The following CHRM2 variants were observed in gnomAD, a reference collection of about 807,000 sequenced individuals.
The protein encoded by CHRM2 is muscarinic acetylcholine receptor M2.
Under a neutral mutation model 25.0 loss-of-function variants are expected in CHRM2, and 8 were observed. The ratio of observed to expected loss-of-function variants is 0.32; its 90% CI spans 0.19 to 0.58. CHRM2 has a LOEUF of 0.58. Among genes scored for constraint, CHRM2 ranks in the 20% least tolerant of loss-of-function variants. CHRM2 has a pLI of 0.88. For missense variants in CHRM2, 440 were observed against 567.1 expected, an observed-to-expected ratio of 0.78 and a Z score of 2.28; for synonymous variants, 202 against 205.7, an observed-to-expected ratio of 0.98 and a Z score of 0.15.
chr7:136,974,095 A>T (rs1371981010), intron 2 of CHRM2, among the ~76,000 whole-genome samples: 1 of 152,174 alleles, frequency 6.6e-6, no homozygotes, highest in Admixed American at 6.5e-5. Context: ...TAAATAAAAT[A>T]AATAAAATTA....
chr7:136,876,338 G>A (rs1432611116), intron 2 of CHRM2, among the ~76,000 whole-genome samples: 2 of 152,086 alleles, frequency 1.3e-5, no homozygotes, highest in Non-Finnish European at 2.9e-5. Flanking sequence ...CAGATGACGT[G>A]AGAATAGAGG....
chr7:136,938,459 C>T, intron 2 of CHRM2: 1 of 1,184,032 alleles, frequency 8.4e-7, no homozygotes, highest in Non-Finnish European at 1.3e-6. Flanking sequence ...TGCTCCTTCC[C>T]CTGGATGCGC....
At chr7:136,975,132 T>C (rs1167676257) in intron 2 of CHRM2, among the ~76,000 whole-genome samples, 3 of 152,118 alleles carry the variant, frequency 2.0e-5, no homozygotes, top group Non-Finnish European at 4.4e-5. Flanking sequence ...GAGTGGACAA[T>C]AATTGAAGAT....
intron 2 of CHRM2, among the ~76,000 whole-genome samples, chr7:136,948,411 T>C (rs1800196738): frequency 6.6e-6 from 1 of 152,118 alleles, no homozygotes; most frequent in Non-Finnish European, 1.5e-5. Context: ...TAGGCCAAAC[T>C]TGTGCCAATG....
intron 2 of CHRM2, among the ~76,000 whole-genome samples, chr7:136,908,149 T>C (rs1797655780): frequency 6.6e-6 from 1 of 151,956 alleles, no homozygotes; most frequent in Non-Finnish European, 1.5e-5. Flanking sequence ...AAGCCCTTTC[T>C]AGTTGCTAAC....
intron 2 of CHRM2, among the ~76,000 whole-genome samples, chr7:136,941,173 A>G (rs1584794063): frequency 2.0e-5 from 3 of 152,142 alleles, no homozygotes; most frequent in Admixed American, 2.0e-4. Flanking sequence ...CAAAAATACT[A>G]CCGCTGTTAT....
At chr7:136,971,433 C>T (rs758403116) in intron 2 of CHRM2, among the ~76,000 whole-genome samples, 1 of 151,816 alleles carries the variant, frequency 6.6e-6, no homozygotes, top group Admixed American at 6.6e-5. Context: ...CTGACCAACA[C>T]GGTGAAACCC....
intron 3 of CHRM2, among the ~76,000 whole-genome samples, chr7:137,007,768 A>C (rs540339537): frequency 6.6e-6 from 1 of 152,184 alleles, no homozygotes; most frequent in East Asian, 1.9e-4. Context: ...TTATAATGTA[A>C]GCAAATTATG....
At chr7:136,979,803 A>C (rs890071257) in intron 2 of CHRM2, among the ~76,000 whole-genome samples, 4 of 152,130 alleles carry the variant, frequency 2.6e-5, no homozygotes, top group African/African-American at 9.7e-5. Flanking sequence ...CCATTGGTCT[A>C]TATATCTGTT....
chr7:136,982,949 G>T (rs535189208), intron 2 of CHRM2, among the ~76,000 whole-genome samples: 5 of 152,252 alleles, frequency 3.3e-5, no homozygotes, highest in African/African-American at 9.6e-5. Context: ...GAGTATCTTT[G>T]TGGTATTCTC....
chr7:136,995,228 T>C (rs1803515721), intron 3 of CHRM2, among the ~76,000 whole-genome samples: 1 of 152,004 alleles, frequency 6.6e-6, no homozygotes, highest in African/African-American at 2.4e-5. Context: ...AGAAATATAG[T>C]GGCAAAAAGA....
intron 2 of CHRM2, among the ~76,000 whole-genome samples, chr7:136,877,232 A>C (rs907789315): frequency 2.0e-5 from 3 of 152,072 alleles, no homozygotes; most frequent in Non-Finnish European, 4.4e-5. Flanking sequence ...GGCAAATTCT[A>C]GTGTGAACAA....
At chr7:136,877,158 A>G (rs1796081489) in intron 2 of CHRM2, among the ~76,000 whole-genome samples, 1 of 152,072 alleles carries the variant, frequency 6.6e-6, no homozygotes. Context: ...ATAGTACTAT[A>G]TGTATTTTCC....
At chr7:136,969,127 T>C (rs559538359) in intron 2 of CHRM2, among the ~76,000 whole-genome samples, 2 of 152,256 alleles carry the variant, frequency 1.3e-5, no homozygotes, top group East Asian at 1.9e-4. Flanking sequence ...AGGGGCATTA[T>C]GTAGAAGTTA....
chr7:136,999,908 G>C (rs1056887959), intron 3 of CHRM2, among the ~76,000 whole-genome samples: 1 of 151,496 alleles, frequency 6.6e-6, no homozygotes, highest in African/African-American at 2.4e-5. Context: ...GAATGTAAGA[G>C]GATGTGACTT....
intron 2 of CHRM2, among the ~76,000 whole-genome samples, chr7:136,904,663 G>T (rs1797434711): frequency 6.6e-6 from 1 of 151,632 alleles, no homozygotes; most frequent in African/African-American, 2.4e-5. Context: ...AGTTTCTTCT[G>T]CATTATAAAA....
chr7:136,952,026 C>A (rs539169428), intron 2 of CHRM2, among the ~76,000 whole-genome samples: 10 of 152,116 alleles, frequency 6.6e-5, no homozygotes, highest in Non-Finnish European at 1.3e-4. Context: ...GGATTTGTCG[C>A]CCTAGACCCT....
At chr7:136,911,472 G>A (rs1797838946) in intron 2 of CHRM2, among the ~76,000 whole-genome samples, 1 of 151,900 alleles carries the variant, frequency 6.6e-6, no homozygotes, top group African/African-American at 2.4e-5. Context: ...CATACAACTA[G>A]TTTCTGGCAG....
intron 2 of CHRM2, among the ~76,000 whole-genome samples, chr7:136,955,694 T>A (rs1477972021): frequency 6.6e-6 from 1 of 152,228 alleles, no homozygotes; most frequent in Non-Finnish European, 1.5e-5. Context: ...GCAGTTGGTT[T>A]TGCAGAATTT....
Sources: gnomAD v4.1 joint callset for allele counts (sites outside exome capture counted in the v4.1 genomes callset) on GRCh38, gnomAD v4.1.1 for gene constraint, MANE v1.5 for transcripts, NCBI Gene and HGNC (gene_info 2026-07-23, HGNC 2026-07-21) for gene names.